Variants in ANKRD44 observed in about 807,000 individuals in gnomAD.
The protein encoded by ANKRD44 is serine/threonine-protein phosphatase 6 regulatory ankyrin repeat subunit B.
A neutral mutation model predicts 116.0 loss-of-function variants in ANKRD44; 35 were observed. That is an observed-to-expected ratio of 0.30 (90% CI 0.23 to 0.40). The LOEUF (loss-of-function observed/expected upper bound fraction) is 0.40. Among genes scored for constraint, ANKRD44 ranks in the 10% least tolerant of loss-of-function variants. The pLI, the probability that ANKRD44 is intolerant of heterozygous loss-of-function variation, is 1.00. For missense variants in ANKRD44, 1,014 were observed against 1,242.6 expected (o/e 0.82, Z 2.77); for synonymous variants, 435 against 461.8 (o/e 0.94, Z 0.74).
chr2:197,016,392 T>C (rs1030474066), intron 17 of ANKRD44, among the ~76,000 whole-genome samples: 1 of 151,030 alleles, frequency 6.6e-6, no homozygotes, highest in Non-Finnish European at 1.5e-5. Context: ...TTTTTAACTT[T>C]CAATATTTGT....
At chr2:197,168,164 C>T (rs1461694917) in intron 2 of ANKRD44, among the ~76,000 whole-genome samples, 1 of 152,180 alleles carries the variant, frequency 6.6e-6, no homozygotes. Context: ...ATTCCAGCCC[C>T]CATCTGTCAA....
chr2:197,045,321 A>G (rs2124978255), intron 16 of ANKRD44, among the ~76,000 whole-genome samples: 1 of 152,272 alleles, frequency 6.6e-6, no homozygotes, highest in East Asian at 1.9e-4. Flanking sequence ...TCAGGTTGCC[A>G]TGGTCTCAAC....
chr2:197,298,357 C>A (rs374455586), intron 1 of ANKRD44, among the ~76,000 whole-genome samples: 10 of 152,318 alleles, frequency 6.6e-5, no homozygotes, highest in African/African-American at 2.4e-4. Flanking sequence ...AAGACCAATG[C>A]TCAAGTATTT....
At chr2:197,169,585 C>G (rs1403655428) in intron 2 of ANKRD44, among the ~76,000 whole-genome samples, 1 of 152,200 alleles carries the variant, frequency 6.6e-6, no homozygotes, top group Non-Finnish European at 1.5e-5. Flanking sequence ...TCCAGAACAT[C>G]TGTTTTCCTC....
chr2:197,034,886 A>C (rs1409975317), intron 16 of ANKRD44, among the ~76,000 whole-genome samples: 6 of 152,190 alleles, frequency 3.9e-5, no homozygotes, highest in Non-Finnish European at 8.8e-5. Flanking sequence ...CCTTATTTGT[A>C]AGTCATGAAC....
chr2:197,231,023 A>G (rs1349088596), intron 1 of ANKRD44, among the ~76,000 whole-genome samples: 1 of 152,230 alleles, frequency 6.6e-6, no homozygotes, highest in East Asian at 1.9e-4. Flanking sequence ...GAAAGACAGC[A>G]TTATTTCTGC....
intron 2 of ANKRD44, chr2:197,147,793 A>G: frequency 2.3e-6 from 1 of 433,444 alleles, no homozygotes; most frequent in Non-Finnish European, 4.6e-6. Context: ...ACCGTATGGG[A>G]TTAAGTGATT....
intron 18 of ANKRD44, among the ~76,000 whole-genome samples, chr2:197,011,619 C>G (rs769469714): frequency 1.3e-5 from 2 of 151,984 alleles, no homozygotes; most frequent in Non-Finnish European, 2.9e-5. Flanking sequence ...ACTACAGATG[C>G]ACACTACCAT....
chr2:197,124,381 C>T (rs2078929091), intron 6 of ANKRD44, among the ~76,000 whole-genome samples: 1 of 152,088 alleles, frequency 6.6e-6, no homozygotes, highest in Non-Finnish European at 1.5e-5. Flanking sequence ...TAAAAGAAAA[C>T]CAAAATCATC....
intron 4 of ANKRD44, 114 bp from the exon 5 acceptor site, chr2:197,126,151 A>G (rs2078969883): frequency 1.0e-6 from 1 of 990,438 alleles, no homozygotes; most frequent in South Asian, 1.5e-5. Context: ...CCCCAACCCT[A>G]CAGGCTGGCT....
intron 1 of ANKRD44, among the ~76,000 whole-genome samples, chr2:197,278,111 G>A (rs2083145776): frequency 6.6e-6 from 1 of 152,054 alleles, no homozygotes; most frequent in African/African-American, 2.4e-5. Context: ...AATAGTGAGT[G>A]ACTGCAGCAA....
At chr2:197,015,163 A>C (rs1194935105) in intron 17 of ANKRD44, 3 of 259,756 alleles carry the variant, frequency 1.2e-5, no homozygotes, top group African/African-American at 4.6e-5. Context: ...TTGAAGAGGT[A>C]GATGCTTGAC....
chr2:197,076,119 G>A (rs890617986), intron 16 of ANKRD44, among the ~76,000 whole-genome samples: 12 of 152,132 alleles, frequency 7.9e-5, no homozygotes, highest in African/African-American at 2.4e-4. Flanking sequence ...TGGGATGGTG[G>A]AGTCAAAAAT....
At chr2:197,238,533 A>T (rs181971670) in intron 1 of ANKRD44, among the ~76,000 whole-genome samples, 2 of 152,238 alleles carry the variant, frequency 1.3e-5, no homozygotes, top group East Asian at 3.9e-4. Context: ...GTAGCATAAT[A>T]CCATAGAAGG....
intron 20 of ANKRD44, among the ~76,000 whole-genome samples, chr2:197,006,164 C>T (rs547092263): frequency 3.9e-5 from 6 of 152,242 alleles, no homozygotes; most frequent in East Asian, 3.9e-4. Flanking sequence ...ATGATGCGGC[C>T]GGGCGTGGTG....
intron 2 of ANKRD44, among the ~76,000 whole-genome samples, chr2:197,152,021 G>A (rs1332338594): frequency 6.6e-6 from 1 of 152,158 alleles, no homozygotes; most frequent in Non-Finnish European, 1.5e-5. Flanking sequence ...ATTGGCTCCA[G>A]CTTATCTGGG....
chr2:197,227,726 C>A (rs1419635384), intron 1 of ANKRD44, among the ~76,000 whole-genome samples: 1 of 152,166 alleles, frequency 6.6e-6, no homozygotes. Flanking sequence ...CCATTCCAGC[C>A]TTGCTGTTGC....
intron 1 of ANKRD44, among the ~76,000 whole-genome samples, chr2:197,251,315 G>A (rs2082312121): frequency 6.6e-6 from 1 of 152,112 alleles, no homozygotes; most frequent in African/African-American, 2.4e-5. Flanking sequence ...CGAAATAACA[G>A]CACAATAAAT....
chr2:197,303,950 T>C (rs765704373), intron 1 of ANKRD44, among the ~76,000 whole-genome samples: 1 of 152,166 alleles, frequency 6.6e-6, no homozygotes. Context: ...TCCCGACCTC[T>C]GAAAGCAGCC....
Sources: allele counts gnomAD v4.1 joint callset (sites outside exome capture counted in the v4.1 genomes callset), GRCh38; gene constraint gnomAD v4.1.1; transcripts MANE v1.5; gene names NCBI Gene and HGNC (gene_info 2026-07-23, HGNC 2026-07-21).